CD2AP: variants seen among roughly 807,000 people sequenced by gnomAD.
CD2AP encodes the protein CD2 associated protein.
CD2AP carries 46 observed loss-of-function variants against 85.1 expected under a neutral mutation model. The observed-to-expected ratio is 0.54, with a 90% CI of 0.43 to 0.69. The LOEUF is 0.69. Among genes scored for constraint, CD2AP ranks in the 30% least tolerant of loss-of-function variants. CD2AP has a pLI of 0.00. For synonymous variants in CD2AP, 255 were observed against 252.9 expected (o/e 1.01, Z -0.08); for missense variants, 769 against 729.5 (o/e 1.05, Z -0.62).
chr6:47,491,569 A>G (rs940703072), intron 1 of CD2AP, among the ~76,000 whole-genome samples: 1 of 152,172 alleles, frequency 6.6e-6, no homozygotes, highest in Non-Finnish European at 1.5e-5. Context: ...TGTGTTGACC[A>G]GAATTAAAAG....
intron 11 of CD2AP, among the ~76,000 whole-genome samples, chr6:47,589,021 A>C (rs1383779731): frequency 6.6e-6 from 1 of 152,080 alleles, no homozygotes; most frequent in Non-Finnish European, 1.5e-5. Context: ...AGATATATTT[A>C]GGATCTATCA....
intron 5 of CD2AP, among the ~76,000 whole-genome samples, chr6:47,557,399 C>G (rs1767726680): frequency 6.6e-6 from 1 of 152,046 alleles, no homozygotes; most frequent in Non-Finnish European, 1.5e-5. Context: ...AAGTCTTTGC[C>G]CATGCCTATG....
chr6:47,533,671 G>T lies in CD2AP; in HGVS notation c.235G>T (p.Ala79Ser). The T allele has an allele frequency of 2.5e-6, 4 of 1,614,062 alleles. No homozygotes were observed. Among genetic ancestry groups the T allele is most frequent in the Non-Finnish European group, 3.4e-6 (4 of 1,179,970 alleles). Residue 79 changes from alanine (A) to serine (S), a missense_variant, in exon 3 of 18, where the codon GCA becomes TCA. Transcript: ENST00000359314. Reference sequence around the variant, plus strand: ...CAAACGGGAAAGGCATGGGAATGTAGCAAGTCTTGTACAACGAATAAGCAC... The same window carrying T: ...CAAACGGGAAAGGCATGGGAATGTATCAAGTCTTGTACAACGAATAAGCAC... ...PIKRERHGNV[A>S]SLVQRISTYG...
chr6:47,578,623 A>G (rs1258710193), intron 8 of CD2AP, among the ~76,000 whole-genome samples: 3 of 149,562 alleles, frequency 2.0e-5, no homozygotes, highest in East Asian at 3.9e-4. Context: ...CTCCCTCTCC[A>G]CCTTCCTCTC....
intron 16 of CD2AP, chr6:47,609,527 A>AAAAG (rs1554183682): frequency 9.0e-5 from 33 of 366,676 alleles, no homozygotes; most frequent in African/African-American, 4.8e-4. Flanking sequence ...AAAAAAAAAA[A>AAAAG]AAAAGAAAAG....
At chr6:47,520,129 G>C (rs566143395) in intron 2 of CD2AP, among the ~76,000 whole-genome samples, 54 of 151,974 alleles carry the variant, frequency 3.6e-4, no homozygotes, top group African/African-American at 1.3e-3. Flanking sequence ...ATGGAAAAAA[G>C]GTAGTTCATT....
At chr6:47,579,692 C>T (rs562900586) in intron 9 of CD2AP, 41 of 537,436 alleles carry the variant, frequency 7.6e-5, no homozygotes, top group South Asian at 5.8e-4. Context: ...GTTTCTTTCT[C>T]GACTGTACTG....
chr6:47,501,506 G>T (rs892187279), intron 1 of CD2AP, among the ~76,000 whole-genome samples: 5 of 152,196 alleles, frequency 3.3e-5, no homozygotes, highest in Non-Finnish European at 5.9e-5. Context: ...AAAGTACAGG[G>T]TCTCAAAATA....
In CD2AP at chr6:47,549,193, T is replaced by C. The variant is rs1429970192; in HGVS notation, c.420+4487T>C. ...CTCCTCTTCAACATAGTACTGGAAGTCCTAGCCAGAGCAATTAGACAAGAG... is the reference window on the plus strand; with the variant it reads ...CTCCTCTTCAACATAGTACTGGAAGCCCTAGCCAGAGCAATTAGACAAGAG... On this transcript the variant is annotated intron_variant, in intron 4 of 17. Transcript: ENST00000359314. 3.3e-5 allele frequency among the ~76,000 whole-genome samples: 5 copies of C among 152,080 alleles called. No homozygotes were observed. In the East Asian group the frequency reaches 9.6e-4, roughly 29 times the overall value.
chr6:47,618,720 C>T (rs1345077445), intron 17 of CD2AP, among the ~76,000 whole-genome samples: 3 of 152,080 alleles, frequency 2.0e-5, no homozygotes, highest in Non-Finnish European at 4.4e-5. Context: ...ATTTGTATAT[C>T]TGACTTAATT....
intron 2 of CD2AP, among the ~76,000 whole-genome samples, chr6:47,517,088 C>T (rs912824311): frequency 1.8e-4 from 27 of 151,924 alleles, no homozygotes; most frequent in African/African-American, 4.4e-4. Flanking sequence ...GAATTCTCAC[C>T]CAGTTCACTT....
At chr6:47,506,822 G>T (rs1766185278) in intron 2 of CD2AP, among the ~76,000 whole-genome samples, 2 of 138,504 alleles carry the variant, frequency 1.4e-5, no homozygotes, top group East Asian at 2.0e-4. Flanking sequence ...AGAGGGAGAG[G>T]GAGAGGGAGA....
At chr6:47,566,431 T>A (rs1768005416) in intron 5 of CD2AP, among the ~76,000 whole-genome samples, 1 of 151,688 alleles carries the variant, frequency 6.6e-6, no homozygotes. Context: ...TTTTGTGGTA[T>A]ATGTAGAACT....
At chr6:47,526,950 G>T (rs1368767325) in intron 2 of CD2AP, among the ~76,000 whole-genome samples, 2 of 152,136 alleles carry the variant, frequency 1.3e-5, no homozygotes, top group African/African-American at 2.4e-5. Flanking sequence ...TCTGAAAACT[G>T]TGAGGTTGAT....
intron 2 of CD2AP, among the ~76,000 whole-genome samples, chr6:47,524,308 G>A (rs902075599): frequency 2.6e-5 from 4 of 152,114 alleles, no homozygotes; most frequent in African/African-American, 4.8e-5. Flanking sequence ...GACCCAGCAC[G>A]ACTTGCCTGC....
At chr6:47,502,062 G>GA (rs895890469) in intron 1 of CD2AP, among the ~76,000 whole-genome samples, 2 of 152,160 alleles carry the variant, frequency 1.3e-5, no homozygotes, top group Admixed American at 1.3e-4. Flanking sequence ...CTCTACTGGG[G>GA]AAGGGTCTGC....
At chr6:47,537,151 A>C (rs914925819) in intron 3 of CD2AP, among the ~76,000 whole-genome samples, 1 of 152,170 alleles carries the variant, frequency 6.6e-6, no homozygotes, top group Non-Finnish European at 1.5e-5. Context: ...AGCTAGTTGA[A>C]ACAATGCCAG....
intron 2 of CD2AP, among the ~76,000 whole-genome samples, chr6:47,506,586 G>A (rs1287354425): frequency 1.9e-5 from 2 of 107,606 alleles, no homozygotes; most frequent in South Asian, 3.5e-4. Flanking sequence ...GATCACTCGC[G>A]GTTAGGGGCT....
chr6:47,573,828 ATTTC>A (rs1768224490), intron 5 of CD2AP, among the ~76,000 whole-genome samples: 1 of 152,040 alleles, frequency 6.6e-6, no homozygotes, highest in South Asian at 2.1e-4. Flanking sequence ...CCTAATTAGG[ATTTC>A]TTAATTTTAC....
Sources: allele counts gnomAD v4.1 joint callset (sites outside exome capture counted in the v4.1 genomes callset), GRCh38; gene constraint gnomAD v4.1.1; transcripts MANE v1.5; gene names NCBI Gene and HGNC (gene_info 2026-07-23, HGNC 2026-07-21).